The following SEPTIN9 variants were observed in gnomAD, a reference collection of about 807,000 sequenced individuals.
SEPTIN9 encodes septin 9, also known as septin-9.
A neutral mutation model predicts 56.6 loss-of-function variants in SEPTIN9; 13 were observed. The ratio of observed to expected loss-of-function variants is 0.23; its 90% CI spans 0.15 to 0.37. The LOEUF is 0.37. Among genes scored for constraint, SEPTIN9 ranks in the 10% least tolerant of loss-of-function variants. The pLI is 1.00. For synonymous variants in SEPTIN9, 332 were observed against 334.1 expected, an observed-to-expected ratio of 0.99 and a Z score of 0.07; for missense variants, 650 against 823.1, an observed-to-expected ratio of 0.79 and a Z score of 2.57.
In SEPTIN9 at chr17:77,317,123, T is replaced by A. The variant is rs1474776120; in HGVS notation, c.76+9926T>A. Among the ~76,000 whole-genome samples, 1 of 152,238 alleles carries A rather than the reference T, an allele frequency of 6.6e-6. No homozygotes were observed. Among genetic ancestry groups the A allele is most frequent in the Non-Finnish European group, 1.5e-5 (1 of 68,050 alleles). ...CAGTGAGCTGAGCCCTGGCTCCGTC[T>A]GTGGCGCTGCATCAGTTTCCTGCAG... is the stretch of plus-strand genomic sequence containing the variant. On this transcript the variant is annotated intron_variant, in intron 2 of 11. Coordinates refer to ENST00000427177, the MANE Select transcript of SEPTIN9 (RefSeq NM_001113491.2). This position sits in a 1 kb window ranked among gnomAD's most constrained non-coding sequence, Gnocchi z 4.2.
intron 3 of SEPTIN9, chr17:77,442,118 G>A (rs1004997003): frequency 2.0e-5 from 3 of 152,192 alleles, no homozygotes; most frequent in Non-Finnish European, 2.9e-5. Flanking sequence ...TGACTGGTCC[G>A]AAGGTAGTGA....
chr17:77,304,603 C>T (rs2032187953), intron 1 of SEPTIN9, among the ~76,000 whole-genome samples: 2 of 152,178 alleles, frequency 1.3e-5, no homozygotes, highest in Admixed American at 1.3e-4. Context: ...CCGGCATCCC[C>T]TGCAGAGATG....
At chr17:77,301,350 C>T (rs1419517357) in intron 1 of SEPTIN9, among the ~76,000 whole-genome samples, 1 of 151,836 alleles carries the variant, frequency 6.6e-6, no homozygotes, top group Non-Finnish European at 1.5e-5. Context: ...AGCCACTGCA[C>T]CTGGCCTCTC....
chr17:77,486,169 C>A (rs2039770396), intron 4 of SEPTIN9, among the ~76,000 whole-genome samples: 1 of 151,742 alleles, frequency 6.6e-6, no homozygotes, highest in African/African-American at 2.4e-5. Flanking sequence ...TGGCAATGAT[C>A]CTAGCTCACT....
intron 2 of SEPTIN9, among the ~76,000 whole-genome samples, chr17:77,312,930 G>A (rs1463564001): frequency 6.6e-6 from 1 of 152,216 alleles, no homozygotes; most frequent in East Asian, 1.9e-4. Context: ...TGCCACATGT[G>A]GCTGCCATAT....
Position 77,400,593 on chromosome 17 carries a change from G to A in SEPTIN9, c.77-1466G>A, listed in dbSNP as rs1018147800. On this transcript the variant is annotated intron_variant, in intron 2 of 11. Transcript: ENST00000427177. The surrounding 1 kb of genome is among the most constrained non-coding windows in gnomAD (Gnocchi z 4.1). ...TGCATTTGGAGGAAGAGAGACGGGT[G>A]AGGGGAAGGCACTGAAATTGGTCCT... 1 of 152,300 alleles carries A rather than the reference G, an allele frequency of 6.6e-6. No homozygotes were observed. 9.4% of individuals were successfully genotyped at this position (152,300 alleles called of 1,614,324 possible). A position where few individuals can be genotyped will look rare whatever the true frequency, so the allele number is the denominator to read the frequency against.
chr17:77,417,826 T>C (rs925502030), intron 3 of SEPTIN9, among the ~76,000 whole-genome samples: 2 of 152,178 alleles, frequency 1.3e-5, no homozygotes, highest in Non-Finnish European at 2.9e-5. Flanking sequence ...CAGCTGCAAA[T>C]CCTCCTACCG....
intron 3 of SEPTIN9, among the ~76,000 whole-genome samples, chr17:77,480,921 G>T (rs1271308788): frequency 6.6e-6 from 1 of 152,190 alleles, no homozygotes; most frequent in Non-Finnish European, 1.5e-5. Flanking sequence ...GCCTGCGTGG[G>T]AGCTGAGGGC....
At chr17:77,396,317 G>A (rs764494662) in intron 2 of SEPTIN9, among the ~76,000 whole-genome samples, 1 of 152,200 alleles carries the variant, frequency 6.6e-6, no homozygotes, top group Non-Finnish European at 1.5e-5. Context: ...GAAGCTGTCC[G>A]GTGCTCCTCC....
At chr17:77,356,879 C>T (rs922234512) in intron 2 of SEPTIN9, among the ~76,000 whole-genome samples, 2 of 149,374 alleles carry the variant, frequency 1.3e-5, no homozygotes, top group African/African-American at 2.5e-5. Context: ...GCTGTCATGA[C>T]GGACTGTTGG....
At position 77,487,136 on chromosome 17, in the gene SEPTIN9, C is replaced by A. The variant is rs892433038; in HGVS notation, c.914-288C>A. Among the ~76,000 whole-genome samples, 1 of 152,212 alleles carries A rather than the reference C, an allele frequency of 6.6e-6. No individual in the cohort carries two copies. Among genetic ancestry groups the A allele is most frequent in the African/African-American group, 2.4e-5 (1 of 41,452 alleles). ...CCTCCTGTCCAGAAAGCACAAGGGG[C>A]ACAAGAGATGCCGACTCTCCCAGGC... is the stretch of plus-strand genomic sequence containing the variant. On this transcript the variant is annotated intron_variant, in intron 4 of 11. Coordinates refer to ENST00000427177, the MANE Select transcript of SEPTIN9 (RefSeq NM_001113491.2). This position sits in a 1 kb window ranked among gnomAD's most constrained non-coding sequence, Gnocchi z 4.3.
intron 11 of SEPTIN9, chr17:77,497,755 G>C (rs1231706094): frequency 3.2e-6 from 1 of 310,744 alleles, no homozygotes; most frequent in Non-Finnish European, 6.2e-6. Flanking sequence ...CTTTCACCTG[G>C]CTGAGGCTTC....
At chr17:77,479,320 C>T (rs1021683089) in intron 3 of SEPTIN9, among the ~76,000 whole-genome samples, 1 of 152,236 alleles carries the variant, frequency 6.6e-6, no homozygotes, top group Non-Finnish European at 1.5e-5. Context: ...ATGAAAGTGT[C>T]TCTGGGTATG....
At chr17:77,411,317 A>G (rs149058775) in intron 3 of SEPTIN9, among the ~76,000 whole-genome samples, 54 of 152,132 alleles carry the variant, frequency 3.5e-4, no homozygotes, top group South Asian at 1.5e-3. Context: ...AGGAAATCAG[A>G]CTTCTGCTAC....
In SEPTIN9 at chr17:77,478,579, G is replaced by A. The variant is rs190193075; in HGVS notation, c.722-3565G>A. 1.8e-3 allele frequency among the ~76,000 whole-genome samples: 267 copies of A among 152,234 alleles called. 1 individual carries two copies. The highest frequency in any genetic ancestry group is 6.2e-3 in the African/African-American group (258 of 41,530). On this transcript the variant is annotated intron_variant, in intron 3 of 11. Transcript: ENST00000427177. ...CTCAGCACTTTGGGAGGCCGAGGCG[G>A]GTGGATCATCTGAGGTCACAAGTTC...
chr17:77,297,141 G>A (rs570346861), intron 1 of SEPTIN9, among the ~76,000 whole-genome samples: 4 of 152,274 alleles, frequency 2.6e-5, no homozygotes, highest in South Asian at 4.1e-4. Flanking sequence ...ACAGAAGGCC[G>A]TCCGCAAGCT....
intron 2 of SEPTIN9, among the ~76,000 whole-genome samples, chr17:77,361,405 T>C (rs1004260025): frequency 6.6e-6 from 1 of 152,104 alleles, no homozygotes; most frequent in Non-Finnish European, 1.5e-5. Flanking sequence ...CTGGGGTAGG[T>C]TGGGAAAACC....
At chr17:77,460,539 G>A (rs944049134) in intron 3 of SEPTIN9, among the ~76,000 whole-genome samples, 1 of 152,212 alleles carries the variant, frequency 6.6e-6, no homozygotes, top group Non-Finnish European at 1.5e-5. Context: ...CCTGGCTGGC[G>A]TGGCTGGGGT....
chr17:77,415,376 G>A (rs970639762), intron 3 of SEPTIN9, among the ~76,000 whole-genome samples: 12 of 152,004 alleles, frequency 7.9e-5, no homozygotes, highest in African/African-American at 2.4e-4. Context: ...GGAAGTTGAG[G>A]CAGGCAGATC....
Sources: allele counts gnomAD v4.1 joint callset (sites outside exome capture counted in the v4.1 genomes callset), GRCh38; gene constraint gnomAD v4.1.1; non-coding constraint Gnocchi (gnomAD v3.1); transcripts MANE v1.5; gene names NCBI Gene and HGNC (gene_info 2026-07-23, HGNC 2026-07-21).